The following KIAA0319 variants were observed in gnomAD, a reference collection of about 807,000 sequenced individuals.
The protein encoded by KIAA0319 is dyslexia-associated protein KIAA0319.
KIAA0319 carries 83 observed loss-of-function variants against 108.4 expected under a neutral mutation model. The ratio of observed to expected loss-of-function variants is 0.77; its 90% confidence interval spans 0.64 to 0.92. The LOEUF (loss-of-function observed/expected upper bound fraction) is 0.92. Ranked by LOEUF, KIAA0319 falls within the 40% of genes least tolerant of loss-of-function variation. The pLI is 0.00. For missense variants in KIAA0319, 1,195 were observed against 1,322.4 expected (o/e 0.90, Z 1.49); for synonymous variants, 484 against 510.4 (o/e 0.95, Z 0.70).
At chr6:24,604,839 T>C (rs1028604422) in intron 1 of KIAA0319, among the ~76,000 whole-genome samples, 3 of 152,176 alleles carry the variant, frequency 2.0e-5, no homozygotes, top group African/African-American at 4.8e-5. Flanking sequence ...CTTTTGTTTT[T>C]GTTTTCGTTT....
chr6:24,583,879 A>G (rs1047471192), intron 4 of KIAA0319, among the ~76,000 whole-genome samples, 177 bp from the exon 5 acceptor site: 1 of 152,238 alleles, frequency 6.6e-6, no homozygotes, highest in Non-Finnish European at 1.5e-5. Context: ...TGAACTGTAC[A>G]CTATATTATA....
chr6:24,596,678 C>G, intron 2 of KIAA0319, 60 bp from the exon 3 acceptor site: 1 of 1,482,578 alleles, frequency 6.7e-7, no homozygotes, highest in Non-Finnish European at 9.1e-7. Context: ...GCACCTCCAG[C>G]TTAAGAAACC....
intron 1 of KIAA0319, among the ~76,000 whole-genome samples, chr6:24,603,407 T>A (rs1770930374): frequency 6.6e-6 from 1 of 152,196 alleles, no homozygotes; most frequent in Admixed American, 6.5e-5. Context: ...CACAAGTTCA[T>A]GTTCAAAAAA....
rs767328214 is a variant in KIAA0319 at position 24,615,943 on chromosome 6, C to G, written c.-105-14735G>C. ...TCAGTATATCAAAGAGGGAGTCCCT[C>G]TTAAGAAAAAATATTATCAGAAATA... On this transcript the variant is annotated intron_variant, in intron 1 of 20. Transcript: ENST00000378214. Among the ~76,000 whole-genome samples, 29 of 152,132 alleles carry G rather than the reference C, an allele frequency of 1.9e-4. 1 individual carries two copies. Among genetic ancestry groups the G allele is most frequent in the Non-Finnish European group, 1.5e-4 (10 of 68,032 alleles).
chr6:24,628,016 A>G (rs1774952169), intron 1 of KIAA0319, among the ~76,000 whole-genome samples: 1 of 152,222 alleles, frequency 6.6e-6, no homozygotes, highest in African/African-American at 2.4e-5. Flanking sequence ...TGCTAATGAA[A>G]AGTTAGACAT....
At chr6:24,568,716 G>A in intron 13 of KIAA0319, 65 bp downstream of exon 13, 1 of 1,498,688 alleles carries the variant, frequency 6.7e-7, no homozygotes, top group Non-Finnish European at 9.2e-7. Context: ...GTCATGGCCT[G>A]GCTGAGGGTC....
At chr6:24,630,852 ATTTC>A (rs1185742775) in intron 1 of KIAA0319, among the ~76,000 whole-genome samples, 1 of 152,084 alleles carries the variant, frequency 6.6e-6, no homozygotes, top group African/African-American at 2.4e-5. Flanking sequence ...TTACTTCATC[ATTTC>A]TTTGTTTCCA....
At chr6:24,604,138 G>C (rs1464202092) in intron 1 of KIAA0319, among the ~76,000 whole-genome samples, 1 of 152,168 alleles carries the variant, frequency 6.6e-6, no homozygotes, top group African/African-American at 2.4e-5. Context: ...AAAACAGTAA[G>C]CATTTCATAA....
At chr6:24,629,432 A>G (rs1216295697) in intron 1 of KIAA0319, among the ~76,000 whole-genome samples, 9 of 148,546 alleles carry the variant, frequency 6.1e-5, no homozygotes, top group South Asian at 2.2e-4. Flanking sequence ...GGAGAATGGC[A>G]TGAACCCGGG....
At position 24,566,699 on chromosome 6, in the gene KIAA0319, C is replaced by T; in HGVS notation, c.2190G>A (p.Val730=). 1 of 1,613,412 alleles carries T rather than the reference C, an allele frequency of 6.2e-7. No individual in the cohort carries two copies. The highest frequency in any genetic ancestry group is 1.3e-5 in the African/African-American group (1 of 75,004). ...RARAGGRHVL[V]LPNNSITLDG... Reference sequence around the variant, plus strand: ...CCAAAGTAATGGAATTATTGGGAAGCACAAGAACATGTCTGCCACCAGCCC... The same window carrying T: ...CCAAAGTAATGGAATTATTGGGAAGTACAAGAACATGTCTGCCACCAGCCC... Residue 730 remains valine (V), a synonymous_variant, in exon 14 of 21, where the codon GTG becomes GTA. Transcript: ENST00000378214.
chr6:24,591,121 T>C (rs1768398831), intron 3 of KIAA0319, among the ~76,000 whole-genome samples: 1 of 152,212 alleles, frequency 6.6e-6, no homozygotes, highest in African/African-American at 2.4e-5. Context: ...AAGTTTGATC[T>C]TGATTTATTT....
In KIAA0319 at chr6:24,583,608, A is replaced by AG; in HGVS notation, c.1088dup (p.Val364CysfsTer8). Reference sequence around the variant, plus strand: ...GGAGGAAGGTTAAACTCTCACCTACAGGTGGCGCTGGCGCAACAAAGGCCT... The same window carrying AG: ...GGAGGAAGGTTAAACTCTCACCTACAGGGTGGCGCTGGCGCAACAAAGGCCT... On this transcript the variant is annotated frameshift_variant, in exon 5 of 21. Coordinates refer to ENST00000378214, the MANE Select transcript of KIAA0319 (RefSeq NM_014809.4). LOFTEE classifies it high-confidence loss of function. The AG allele has an allele frequency of 6.2e-7, 1 of 1,610,596 alleles. No homozygotes were observed. The highest frequency in any genetic ancestry group is 8.5e-7 in the Non-Finnish European group (1 of 1,176,920).
chr6:24,607,827 C>T (rs559993503), intron 1 of KIAA0319, among the ~76,000 whole-genome samples: 1 of 152,168 alleles, frequency 6.6e-6, no homozygotes, highest in African/African-American at 2.4e-5. Flanking sequence ...AAAATATGTT[C>T]CTTTAGTTAA....
chr6:24,546,638 T>C lies in KIAA0319; in HGVS notation c.*527A>G, dbSNP rs2127400678. The C allele has an allele frequency of 6.4e-6, 1 of 155,492 alleles. No individual in the cohort carries two copies. Among genetic ancestry groups the C allele is most frequent in the East Asian group, 1.9e-4 (1 of 5,320 alleles). 9.6% of individuals were successfully genotyped at this position (155,492 alleles called of 1,614,324 possible). A position where few individuals can be genotyped will look rare whatever the true frequency, so the allele number is the denominator to read the frequency against. On this transcript the variant is annotated 3_prime_UTR_variant, in exon 21 of 21. Coordinates refer to ENST00000378214, the MANE Select transcript of KIAA0319 (RefSeq NM_014809.4). The stretch of plus-strand genomic sequence containing the variant: ...CCAGGAGGGCTTGGCACTGTGCGAG[T>C]GTTGCCGTCAGCACAGAAAGCTTGC...
rs911494161 is a variant in KIAA0319, at chr6:24,600,035, A to C, written c.55+1014T>G. Among the ~76,000 whole-genome samples the C allele has an allele frequency of 8.2e-4, 27 of 33,002 alleles. No homozygotes were observed. The South Asian group carries it at 0.01, about 13-fold the overall frequency. 21.7% of individuals were successfully genotyped at this position (33,002 alleles called of 152,430 possible). A position where few individuals can be genotyped will look rare whatever the true frequency, so the allele number is the denominator to read the frequency against. ...TCAGCTAGTTCTGCCAACTGCCCAA[A>C]AAAAAAAAAAGGAAGATGAGCAAAT... On this transcript the variant is annotated intron_variant, in intron 2 of 20. Coordinates refer to ENST00000378214, the MANE Select transcript of KIAA0319 (RefSeq NM_014809.4).
chr6:24,619,181 C>T (rs1358062854), intron 1 of KIAA0319, among the ~76,000 whole-genome samples: 1 of 152,196 alleles, frequency 6.6e-6, no homozygotes, highest in Non-Finnish European at 1.5e-5. Flanking sequence ...GGATCTTTGG[C>T]TTTCACCATG....
intron 20 of KIAA0319, among the ~76,000 whole-genome samples, chr6:24,549,326 CAAAAAA>C (rs35975247): frequency 8.6e-6 from 1 of 115,608 alleles, no homozygotes; most frequent in South Asian, 3.1e-4. Context: ...ACTCTGTCTC[CAAAAAA>C]AAAAAAAAAA....
At chr6:24,632,231 TA>T (rs933137866) in intron 1 of KIAA0319, among the ~76,000 whole-genome samples, 1 of 152,214 alleles carries the variant, frequency 6.6e-6, no homozygotes, top group African/African-American at 2.4e-5. Context: ...ATCAAAATAA[TA>T]GTCATTTATA....
chr6:24,606,229 G>A (rs761481047), intron 1 of KIAA0319, among the ~76,000 whole-genome samples: 1 of 152,136 alleles, frequency 6.6e-6, no homozygotes, highest in South Asian at 2.1e-4. Flanking sequence ...GAGTTACTGC[G>A]CCTGGCCGGA....
Sources: gnomAD v4.1 joint callset for allele counts (sites outside exome capture counted in the v4.1 genomes callset) on GRCh38, gnomAD v4.1.1 for gene constraint, MANE v1.5 for transcripts, NCBI Gene and HGNC (gene_info 2026-07-23, HGNC 2026-07-21) for gene names.